Variants in PHF11 observed in about 807,000 individuals in gnomAD.
PHF11 encodes PHD finger protein 11.
PHF11 carries 38 observed loss-of-function variants against 40.5 expected under a neutral mutation model. The ratio of observed to expected loss-of-function variants is 0.94; its 90% CI spans 0.72 to 1.23. PHF11 has a LOEUF of 1.23. PHF11 is among the 50% of genes most tolerant of loss of function. The probability of loss-of-function intolerance (pLI) is 0.00; values close to 1 mark genes in which losing one functional copy is unlikely to be tolerated. For synonymous variants in PHF11, 127 were observed against 138.2 expected, an observed-to-expected ratio of 0.92 and a Z score of 0.57; for missense variants, 369 against 392.4, an observed-to-expected ratio of 0.94 and a Z score of 0.50.
At chr13:49,523,851 G>A (rs1010803038) in intron 7 of PHF11, 7 of 288,238 alleles carry the variant, frequency 2.4e-5, no homozygotes, top group Admixed American at 5.0e-5. Context: ...TATAGTTATT[G>A]TAAGCAGAGA....
chr13:49,520,441 TG>T (rs1054304262), intron 4 of PHF11, among the ~76,000 whole-genome samples: 8 of 152,218 alleles, frequency 5.3e-5, no homozygotes, highest in African/African-American at 1.9e-4. Context: ...ATCTAAGATC[TG>T]GGGCAAATAC....
chr13:49,513,254 G>T (rs1959101983), intron 3 of PHF11, 88 bp downstream of exon 3: 2 of 643,170 alleles, frequency 3.1e-6, no homozygotes, highest in Non-Finnish European at 5.5e-6. Flanking sequence ...TGATACACCA[G>T]GGATAGAGAA....
chr13:49,522,055 G>A lies in PHF11; in HGVS notation c.518G>A (p.Gly173Glu), dbSNP rs1401031290. ...TTTATATTTTTAGCTAAATTTTCAG[G>A]AGTGAAAAGAAAAAGAGGAAGGAAG... is the stretch of plus-strand genomic sequence containing the variant. ...PIIAQSAKFSGVKRKRGRKKP... is the reference protein window; with the variant it reads ...PIIAQSAKFSEVKRKRGRKKP... The change falls in exon 6 of 10, where the codon GGA (glycine) becomes GAA (glutamate). Residue 173 changes from glycine (G) to glutamate (E), a missense_variant. Coordinates refer to ENST00000378319, the MANE Select transcript of PHF11 (RefSeq NM_001040443.3). 2 of 1,511,918 alleles carry A rather than the reference G, an allele frequency of 1.3e-6. No individual in the cohort carries two copies. Among genetic ancestry groups the A allele is most frequent in the South Asian group, 1.1e-5 (1 of 87,746 alleles). 93.7% of individuals were successfully genotyped at this position (1,511,918 alleles called of 1,614,324 possible).
intron 1 of PHF11, chr13:49,497,301 G>A (rs2139021685): frequency 1.3e-6 from 1 of 741,900 alleles, no homozygotes; most frequent in Non-Finnish European, 2.0e-6. Flanking sequence ...TTTCTGAAAT[G>A]ATCTCAAACT....
At chr13:49,497,174 A>G in intron 1 of PHF11, 1 of 1,289,668 alleles carries the variant, frequency 7.8e-7, no homozygotes, top group South Asian at 1.2e-5. Flanking sequence ...CCACAAGCCA[A>G]TCAGTTGGAT....
intron 1 of PHF11, among the ~76,000 whole-genome samples, chr13:49,498,581 A>G (rs1290321285): frequency 6.6e-6 from 1 of 152,192 alleles, no homozygotes; most frequent in Admixed American, 6.5e-5. Flanking sequence ...ACAGTAACCT[A>G]GTACATTTCA....
intron 5 of PHF11, chr13:49,521,356 G>A (rs1464895824): frequency 1.0e-6 from 1 of 989,092 alleles, no homozygotes; most frequent in African/African-American, 1.7e-5. Flanking sequence ...ACTGGATCCT[G>A]GCTAACTGGA....
At chr13:49,513,031 A>G in intron 2 of PHF11, 28 bp from the exon 3 acceptor site, 1 of 1,097,510 alleles carries the variant, frequency 9.1e-7, no homozygotes, top group Non-Finnish European at 1.4e-6. Context: ...CTTTGTGCAT[A>G]CTCTGGATTT....
intron 5 of PHF11, chr13:49,521,472 G>A (rs1344221663): frequency 2.0e-6 from 2 of 986,124 alleles, no homozygotes; most frequent in South Asian, 4.7e-5. Context: ...GGAAGACTTC[G>A]TTCTGCGTCA....
At chr13:49,505,692 G>A (rs1277536876) in intron 1 of PHF11, among the ~76,000 whole-genome samples, 1 of 152,114 alleles carries the variant, frequency 6.6e-6, no homozygotes, top group Non-Finnish European at 1.5e-5. Flanking sequence ...CATGGGTGGA[G>A]ATCTCAACAG....
Position 49,526,402 on chromosome 13 carries a change from G to C in PHF11, c.785G>C (p.Gly262Ala), listed in dbSNP as rs562406594. 80 of 1,609,558 alleles carry C rather than the reference G, an allele frequency of 5.0e-5. No individual in the cohort carries two copies. The South Asian group carries it at 8.6e-4, about 17-fold the overall frequency. The change falls in exon 9 of 10, where the codon GGG becomes GCG. Residue 262 changes from glycine to alanine, a missense_variant. Physicochemically the swap from Gly to Ala is moderately conservative, Grantham distance 60 (BLOSUM62 0). Coordinates refer to ENST00000378319, the MANE Select transcript of PHF11 (RefSeq NM_001040443.3). ...TTSESDYEEI[G>A]SALFDCRLFE... ...CTCCCTCCAGACTATGAAGAAATCG[G>C]GAGTGCACTTTTTGACTGTAGATTG...
intron 8 of PHF11, among the ~76,000 whole-genome samples, chr13:49,525,055 T>C (rs920751390): frequency 6.6e-6 from 1 of 152,222 alleles, no homozygotes; most frequent in African/African-American, 2.4e-5. Flanking sequence ...TGGAATCCAA[T>C]TCTATTCCTT....
chr13:49,524,477 C>CT (rs59326982), intron 8 of PHF11, among the ~76,000 whole-genome samples: 5,111 of 143,430 alleles, frequency 0.036, 295 homozygotes, highest in African/African-American at 0.12. Flanking sequence ...TTACCTCATT[C>CT]TTTTTTTTTT....
rs970997448 is a variant in PHF11, at chr13:49,526,375, C to A, written c.770-12C>A. ...AAACTGTTTAATATTGAAAATGTTT[C>A]TCTCCCTCCAGACTATGAAGAAATC... On this transcript the variant is annotated splice_polypyrimidine_tract_variant and intron_variant, in intron 8 of 9. Transcript: ENST00000378319. 6 of 1,571,000 alleles carry A rather than the reference C, an allele frequency of 3.8e-6. No homozygotes were observed. Among genetic ancestry groups the A allele is most frequent in the Non-Finnish European group, 5.3e-6 (6 of 1,141,172 alleles).
At chr13:49,523,313 A>G in intron 7 of PHF11, 72 bp downstream of exon 7, 1 of 977,626 alleles carries the variant, frequency 1.0e-6, no homozygotes, top group Non-Finnish European at 1.6e-6. Context: ...ACCTGTTTCA[A>G]ACTTGGTATC....
intron 4 of PHF11, among the ~76,000 whole-genome samples, chr13:49,520,250 T>G (rs1219638027): frequency 3.3e-5 from 5 of 152,142 alleles, no homozygotes; most frequent in Non-Finnish European, 5.9e-5. Flanking sequence ...GGTTTCACCA[T>G]GTTGGCCAGG....
chr13:49,528,555 T>C lies in PHF11; in HGVS notation c.886T>C (p.Leu296=). The C allele has an allele frequency of 6.2e-7, 1 of 1,611,810 alleles. No individual in the cohort carries two copies. The highest frequency in any genetic ancestry group is 1.1e-5 in the South Asian group (1 of 90,640). The change falls in exon 10 of 10, where the codon TTG becomes CTG. Residue 296 remains leucine, a synonymous_variant. Coordinates refer to ENST00000378319, the MANE Select transcript of PHF11 (RefSeq NM_001040443.3). ...IHASQQRWQQ[L]KEEIELLQDL... is the part of the protein sequence containing the mutation. ...TGCATCTCAACAAAGGTGGCAGCAGTTGAAGGAAGAGATTGAGCTACTTCA... is the reference window on the plus strand; with the variant it reads ...TGCATCTCAACAAAGGTGGCAGCAGCTGAAGGAAGAGATTGAGCTACTTCA...
intron 9 of PHF11, among the ~76,000 whole-genome samples, chr13:49,527,711 G>T (rs544891095): frequency 6.6e-6 from 1 of 152,188 alleles, no homozygotes; most frequent in African/African-American, 2.4e-5. Context: ...TTTCTTTCAT[G>T]TAAGGGAACA....
intron 1 of PHF11, among the ~76,000 whole-genome samples, chr13:49,501,019 T>TTG: frequency 6.9e-6 from 1 of 145,472 alleles, no homozygotes; most frequent in African/African-American, 2.6e-5. Flanking sequence ...TTTTTTTGGT[T>TTG]TTTTTTTTTC....
Sources: allele counts gnomAD v4.1 joint callset (sites outside exome capture counted in the v4.1 genomes callset), GRCh38; gene constraint gnomAD v4.1.1; transcripts MANE v1.5; gene names NCBI Gene and HGNC (gene_info 2026-07-23, HGNC 2026-07-21).